The following TMED3 variants were observed in gnomAD, a reference collection of about 807,000 sequenced individuals.
The protein encoded by TMED3 is transmembrane emp24 domain-containing protein 3.
A neutral mutation model predicts 15.0 loss-of-function variants in TMED3; 9 were observed. The ratio of observed to expected loss-of-function variants is 0.60; its 90% confidence interval spans 0.36 to 1.04. The LOEUF (loss-of-function observed/expected upper bound fraction) is 1.04. Among genes scored for constraint, TMED3 ranks in the 50% least tolerant of loss-of-function variants. The pLI is 0.01. For synonymous variants in TMED3, 117 were observed against 121.4 expected, an observed-to-expected ratio of 0.96 and a Z score of 0.24; for missense variants, 267 against 278.9, an observed-to-expected ratio of 0.96 and a Z score of 0.30.
intron 2 of TMED3, among the ~76,000 whole-genome samples, chr15:79,338,463 G>C (rs2058835244): frequency 6.6e-6 from 1 of 152,178 alleles, no homozygotes; most frequent in Non-Finnish European, 1.5e-5. Context: ...AAAGTTCCTT[G>C]TAAAATTAAA....
At chr15:79,361,338 A>C (rs543888973) in intron 2 of TMED3, among the ~76,000 whole-genome samples, 3 of 152,386 alleles carry the variant, frequency 2.0e-5, no homozygotes, top group African/African-American at 7.2e-5. Flanking sequence ...GAGGTAACTC[A>C]GGTAAAAGAA....
intron 2 of TMED3, among the ~76,000 whole-genome samples, chr15:79,356,732 A>G (rs2058920888): frequency 6.6e-6 from 1 of 152,168 alleles, no homozygotes; most frequent in Non-Finnish European, 1.5e-5. Flanking sequence ...CATCCCCTTT[A>G]ACTTGCATTT....
At chr15:79,408,804 G>C (rs1893934966) in intron 2 of TMED3, among the ~76,000 whole-genome samples, 1 of 152,156 alleles carries the variant, frequency 6.6e-6, no homozygotes, top group East Asian at 1.9e-4. Context: ...AAAAGAGGAA[G>C]GGCATAGAAG....
In TMED3 at chr15:79,311,335, T is replaced by C; in HGVS notation, c.86T>C (p.Leu29Pro). 6.2e-7 allele frequency: 1 copy of C among 1,611,154 alleles called. No individual in the cohort carries two copies. Among genetic ancestry groups the C allele is most frequent in the South Asian group, 1.1e-5 (1 of 90,574 alleles). The change falls in exon 1 of 3, where the codon CTC becomes CCC. Residue 29 changes from leucine (L) to proline (P), a missense_variant. Physicochemically the swap from Leu to Pro is moderately conservative, Grantham distance 98. Around this residue, in one of 3 missense-constraint regions of TMED3, gnomAD observed 59 missense variants for 47.0 expected, o/e 1.26. Coordinates refer to ENST00000299705, the MANE Select transcript of TMED3 (RefSeq NM_007364.4). Reference sequence around the variant, plus strand: ...GCCGAGCAGCCCTGCGGGGCCGAGCTCACCTTCGAGCTGCCGGACAACGCC... The same window carrying C: ...GCCGAGCAGCCCTGCGGGGCCGAGCCCACCTTCGAGCTGCCGGACAACGCC... ...RRAEQPCGAE[L>P]TFELPDNAKQ...
At chr15:79,326,088 C>T (rs528196741), downstream of TMED3, among the ~76,000 whole-genome samples, 9 of 152,184 alleles carry the variant, frequency 5.9e-5, 1 homozygote, top group East Asian at 1.2e-3. Context: ...CATCATAGCA[C>T]GTTAGAGGTT....
rs1277720596 is a variant in TMED3, at chr15:79,311,230, G to A, written c.-20G>A. The A allele has an allele frequency of 1.3e-6, 2 of 1,582,900 alleles. No individual in the cohort carries two copies. Among genetic ancestry groups the A allele is most frequent in the Non-Finnish European group, 1.7e-6 (2 of 1,168,800 alleles). The stretch of plus-strand genomic sequence containing the variant: ...GCGCAGCGCCCGAGCCGCGGCCCTC[G>A]AGACGGGACCGAGAGCATCATGGGC... On this transcript the variant is annotated 5_prime_UTR_variant, in exon 1 of 3. Coordinates refer to ENST00000299705, the MANE Select transcript of TMED3 (RefSeq NM_007364.4).
At chr15:79,382,861 C>A in intron 2 of TMED3, 1 of 1,059,282 alleles carries the variant, frequency 9.4e-7, no homozygotes, top group Non-Finnish European at 1.4e-6. Flanking sequence ...TTTATATTAT[C>A]TTTCATGGGT....
intron 2 of TMED3, 65 bp downstream of exon 2, chr15:79,314,070 G>T (rs747216507): frequency 5.4e-4 from 846 of 1,576,620 alleles, no homozygotes; most frequent in Non-Finnish European, 6.8e-4. Context: ...ATTGGCCTCT[G>T]TCTAGGCTGG....
chr15:79,411,808 G>A, exon 3 of TMED3: 1 of 309,342 alleles, frequency 3.2e-6, no homozygotes, highest in Admixed American at 4.0e-5. Flanking sequence ...GTTTGGTGTG[G>A]GAGCATTTGC....
At chr15:79,363,327 T>A in intron 2 of TMED3, among the ~76,000 whole-genome samples, 1 of 152,134 alleles carries the variant, frequency 6.6e-6, no homozygotes. Flanking sequence ...AACAGATTAA[T>A]AGACCAGACT....
At chr15:79,408,335 C>T (rs1014436509) in intron 2 of TMED3, among the ~76,000 whole-genome samples, 9 of 152,166 alleles carry the variant, frequency 5.9e-5, no homozygotes, top group Non-Finnish European at 1.2e-4. Flanking sequence ...TTCCTCCCAT[C>T]GGACGTATGA....
intron 2 of TMED3, among the ~76,000 whole-genome samples, chr15:79,333,780 A>T (rs2058818027): frequency 6.6e-6 from 1 of 152,188 alleles, no homozygotes; most frequent in Admixed American, 6.5e-5. Context: ...GTTTAAAGCT[A>T]CTGTGAGAAT....
chr15:79,314,073 T>G, intron 2 of TMED3, 68 bp downstream of exon 2: 9 of 1,575,272 alleles, frequency 5.7e-6, no homozygotes, highest in Non-Finnish European at 7.8e-6. Flanking sequence ...GGCCTCTGTC[T>G]AGGCTGGTGG....
intron 1 of TMED3, among the ~76,000 whole-genome samples, chr15:79,312,604 C>T (rs118012277): frequency 2.0e-5 from 3 of 152,248 alleles, no homozygotes; most frequent in Admixed American, 6.5e-5. Context: ...GGCCATTGAC[C>T]GTGTCCTTTG....
chr15:79,387,989 CCTACGGTA>C, intron 2 of TMED3, among the ~76,000 whole-genome samples: 1 of 152,046 alleles, frequency 6.6e-6, no homozygotes, highest in Non-Finnish European at 1.5e-5. Flanking sequence ...TAATGATTCA[CCTACGGTA>C]CTTCTGGGCA....
At chr15:79,318,125 G>A (rs1373597007) in intron 2 of TMED3, among the ~76,000 whole-genome samples, 2 of 152,118 alleles carry the variant, frequency 1.3e-5, no homozygotes, top group South Asian at 2.1e-4. Context: ...TCTCAGCCTG[G>A]TGACGTCCTG....
At chr15:79,366,430 A>G (rs1292148785) in intron 2 of TMED3, among the ~76,000 whole-genome samples, 1 of 152,184 alleles carries the variant, frequency 6.6e-6, no homozygotes, top group Non-Finnish European at 1.5e-5. Context: ...CCAGATAGTC[A>G]CCGCTCATCC....
intron 2 of TMED3, among the ~76,000 whole-genome samples, chr15:79,381,384 C>T (rs7176811): frequency 0.34 from 51,260 of 152,066 alleles, 8,804 homozygotes; most frequent in East Asian, 0.54. Flanking sequence ...GTCTCTTAGT[C>T]TCATTTTCTG....
At chr15:79,406,397 C>T (rs574230133) in intron 2 of TMED3, among the ~76,000 whole-genome samples, 3 of 152,164 alleles carry the variant, frequency 2.0e-5, no homozygotes, top group Non-Finnish European at 4.4e-5. Flanking sequence ...ACAATGGACC[C>T]ACTGTGAGAG....
Sources: gnomAD v4.1 joint callset for allele counts (sites outside exome capture counted in the v4.1 genomes callset) on GRCh38, gnomAD v4.1.1 for gene constraint, gnomAD v4.1.1 regional missense constraint, MANE v1.5 for transcripts, NCBI Gene and HGNC (gene_info 2026-07-23, HGNC 2026-07-21) for gene names.